PLPP4: variants seen among roughly 807,000 people sequenced by gnomAD.
PLPP4 encodes the protein diacylglycerol pyrophosphate like 2.
PLPP4 carries 20 observed loss-of-function variants against 32.2 expected under a neutral mutation model. The ratio of observed to expected loss-of-function variants is 0.62; its 90% CI spans 0.44 to 0.90. The LOEUF is 0.90. Among genes scored for constraint, PLPP4 ranks in the 40% least tolerant of loss-of-function variants. The pLI, the probability that PLPP4 is intolerant of heterozygous loss-of-function variation, is 0.00. For missense variants in PLPP4, 257 were observed against 353.1 expected, an observed-to-expected ratio of 0.73 and a Z score of 2.18; for synonymous variants, 127 against 133.0, an observed-to-expected ratio of 0.95 and a Z score of 0.31.
rs145602705 is a variant in PLPP4 at position 120,580,481 on chromosome 10, C to G, written c.616+5180C>G. Reference sequence around the variant, plus strand: ...TTGGTTTTAACCAGTTTCAGGTAGTCCAGTTACAAAGGGAACTTTTTACCA... The same window carrying G: ...TTGGTTTTAACCAGTTTCAGGTAGTGCAGTTACAAAGGGAACTTTTTACCA... On this transcript the variant is annotated intron_variant, in intron 6 of 6. Transcript: ENST00000398250. 1.2e-4 allele frequency among the ~76,000 whole-genome samples: 19 copies of G among 152,190 alleles called. No homozygotes were observed. The East Asian group carries it at 3.7e-3, about 29-fold the overall frequency.
intron 1 of PLPP4, among the ~76,000 whole-genome samples, chr10:120,488,063 G>A (rs1185681722): frequency 2.6e-5 from 4 of 152,180 alleles, no homozygotes; most frequent in Admixed American, 6.5e-5. Flanking sequence ...CACTGGAGAA[G>A]GACCATGTCC....
chr10:120,461,628 C>A (rs1441379288), intron 1 of PLPP4, among the ~76,000 whole-genome samples: 1 of 152,194 alleles, frequency 6.6e-6, no homozygotes, highest in Admixed American at 6.5e-5. Context: ...ATGCAAGAGG[C>A]CTTTGCCAGG....
At chr10:120,586,932 G>C (rs1317044798) in intron 6 of PLPP4, among the ~76,000 whole-genome samples, 1 of 151,960 alleles carries the variant, frequency 6.6e-6, no homozygotes, top group African/African-American at 2.4e-5. Context: ...ATGACATTGA[G>C]CTCAGAAATA....
intron 1 of PLPP4, among the ~76,000 whole-genome samples, chr10:120,500,211 G>A (rs1301801134): frequency 6.6e-6 from 1 of 152,220 alleles, no homozygotes; most frequent in Non-Finnish European, 1.5e-5. Context: ...AAATTGCCAC[G>A]AGGATAATAA....
At chr10:120,479,033 T>C (rs1160153732) in intron 1 of PLPP4, among the ~76,000 whole-genome samples, 1 of 152,184 alleles carries the variant, frequency 6.6e-6, no homozygotes, top group Non-Finnish European at 1.5e-5. Flanking sequence ...GAGACCATCC[T>C]GGCTAACATG....
intron 1 of PLPP4, among the ~76,000 whole-genome samples, chr10:120,480,293 G>A (rs950103306): frequency 2.6e-5 from 4 of 152,188 alleles, no homozygotes; most frequent in African/African-American, 9.7e-5. Flanking sequence ...GGTTGAATAA[G>A]GAGTGCATCC....
chr10:120,556,208 C>T (rs1175584735), intron 5 of PLPP4, among the ~76,000 whole-genome samples: 3 of 152,202 alleles, frequency 2.0e-5, no homozygotes, highest in South Asian at 2.1e-4. Flanking sequence ...CTGCTGTTCA[C>T]GTGTTGCAAA....
At chr10:120,589,227 G>T in intron 6 of PLPP4, 76 bp from the exon 7 acceptor site, 1 of 1,441,134 alleles carries the variant, frequency 6.9e-7, no homozygotes, top group East Asian at 2.3e-5. Flanking sequence ...AAGGAAAAGT[G>T]CTTTCTGGAA....
chr10:120,511,880 C>A (rs541524678), intron 2 of PLPP4, among the ~76,000 whole-genome samples: 60 of 152,214 alleles, frequency 3.9e-4, no homozygotes, highest in African/African-American at 1.4e-3. Flanking sequence ...ATCATGAGGT[C>A]AGGAGATAGA....
At chr10:120,511,168 G>A (rs1216512826) in intron 2 of PLPP4, among the ~76,000 whole-genome samples, 1 of 152,188 alleles carries the variant, frequency 6.6e-6, no homozygotes, top group Non-Finnish European at 1.5e-5. Context: ...GTGGGGGTGA[G>A]GGTCCAATTA....
intron 5 of PLPP4, among the ~76,000 whole-genome samples, chr10:120,566,775 G>A (rs968643631): frequency 6.6e-6 from 1 of 152,130 alleles, no homozygotes; most frequent in African/African-American, 2.4e-5. Flanking sequence ...GGCTGGTCCC[G>A]AACTCCTGAC....
At chr10:120,503,564 C>T (rs1453508430) in intron 1 of PLPP4, 1 of 1,607,402 alleles carries the variant, frequency 6.2e-7, no homozygotes, top group Non-Finnish European at 8.5e-7. Flanking sequence ...TTTGTACACA[C>T]AAAGCTACTC....
chr10:120,538,834 C>T (rs187063972), intron 5 of PLPP4, among the ~76,000 whole-genome samples: 67 of 152,244 alleles, frequency 4.4e-4, no homozygotes, highest in African/African-American at 1.5e-3. Flanking sequence ...TTTACTATTA[C>T]TAGCCCTATT....
At chr10:120,503,781 C>A in intron 1 of PLPP4, 37 bp from the exon 2 acceptor site, 1 of 1,570,240 alleles carries the variant, frequency 6.4e-7, no homozygotes, top group Non-Finnish European at 8.8e-7. Flanking sequence ...AGCAACAGAA[C>A]GCTCAACCTT....
chr10:120,470,782 A>G (rs1027590164), intron 1 of PLPP4, among the ~76,000 whole-genome samples: 1 of 151,954 alleles, frequency 6.6e-6, no homozygotes, highest in Non-Finnish European at 1.5e-5. Context: ...CCCCGTACTC[A>G]CCCCACTCCA....
chr10:120,560,768 T>TA (rs1011023260), intron 5 of PLPP4, among the ~76,000 whole-genome samples: 2 of 151,942 alleles, frequency 1.3e-5, no homozygotes, highest in African/African-American at 4.8e-5. Flanking sequence ...AAAACAAAAA[T>TA]AAAAAAATAG....
intron 5 of PLPP4, among the ~76,000 whole-genome samples, chr10:120,558,783 T>A (rs199737145): frequency 1.4e-5 from 2 of 140,768 alleles, no homozygotes; most frequent in Non-Finnish European, 3.0e-5. Flanking sequence ...TTAAAAAAAA[T>A]CATTCTAATG....
At chr10:120,476,275 A>G (rs1341505737) in intron 1 of PLPP4, among the ~76,000 whole-genome samples, 2 of 152,190 alleles carry the variant, frequency 1.3e-5, no homozygotes, top group Non-Finnish European at 2.9e-5. Context: ...ACTCTTTTCC[A>G]TAAGTTATAA....
chr10:120,519,053 C>T (rs1846048073), intron 4 of PLPP4, among the ~76,000 whole-genome samples, 157 bp downstream of exon 4: 1 of 152,168 alleles, frequency 6.6e-6, no homozygotes, highest in East Asian at 1.9e-4. Context: ...ACAGATCTTT[C>T]CTTTGAATTA....
Sources: allele counts gnomAD v4.1 joint callset (sites outside exome capture counted in the v4.1 genomes callset), GRCh38; gene constraint gnomAD v4.1.1; transcripts MANE v1.5; gene names NCBI Gene and HGNC (gene_info 2026-07-23, HGNC 2026-07-21).